Variants in PDE11A observed in about 807,000 individuals in gnomAD.
PDE11A encodes the protein phosphodiesterase 11A.
PDE11A carries 100 observed loss-of-function variants against 100.5 expected under a neutral mutation model. The ratio of observed to expected loss-of-function variants is 1.00; its 90% CI spans 0.85 to 1.18. The LOEUF (loss-of-function observed/expected upper bound fraction) is 1.18, where lower values mean the gene tolerates loss of function less well. Ranked by LOEUF, PDE11A falls within the 50% of genes most tolerant of loss-of-function variation. The pLI is 0.00. For synonymous variants in PDE11A, 381 were observed against 420.8 expected (o/e 0.91, Z 1.16); for missense variants, 1,141 against 1,152.6 (o/e 0.99, Z 0.15).
chr2:178,012,880 T>G (rs1574340974), intron 2 of PDE11A, among the ~76,000 whole-genome samples: 2 of 152,292 alleles, frequency 1.3e-5, no homozygotes, highest in South Asian at 4.1e-4. Flanking sequence ...CCCACATCCT[T>G]CTACCTAAAT....
intron 9 of PDE11A, among the ~76,000 whole-genome samples, chr2:177,773,022 T>G (rs2082331334): frequency 6.6e-6 from 1 of 152,150 alleles, no homozygotes; most frequent in South Asian, 2.1e-4. Context: ...GTTTCACATA[T>G]TATTTCTTTC....
chr2:178,102,612 A>T lies in PDE11A; in HGVS notation c.162+1690T>A, dbSNP rs1304321402. 2.0e-5 allele frequency among the ~76,000 whole-genome samples: 3 copies of T among 151,652 alleles called. No homozygotes were observed. The East Asian group carries it at 5.9e-4, about 30-fold the overall frequency. On this transcript the variant is annotated intron_variant, in intron 2 of 20. Transcript: ENST00000358450. ...TTTTTTGTAGAGACAGGGTCTTACTACATTGCCCAGGCTGGTCTTACAGAT... is the reference window on the plus strand; with the variant it reads ...TTTTTTGTAGAGACAGGGTCTTACTTCATTGCCCAGGCTGGTCTTACAGAT...
chr2:177,847,000 A>C (rs1036687315), intron 5 of PDE11A, among the ~76,000 whole-genome samples: 1 of 152,192 alleles, frequency 6.6e-6, no homozygotes, highest in Non-Finnish European at 1.5e-5. Flanking sequence ...GACAGCCCTC[A>C]AAATATTTAG....
At chr2:177,835,870 G>A (rs1161567995) in intron 6 of PDE11A, among the ~76,000 whole-genome samples, 2 of 152,330 alleles carry the variant, frequency 1.3e-5, no homozygotes, top group South Asian at 2.1e-4. Flanking sequence ...GCCCACTGGC[G>A]CTGCGCTCAA....
intron 5 of PDE11A, among the ~76,000 whole-genome samples, chr2:177,846,161 G>C (rs1329046932): frequency 6.6e-6 from 1 of 152,002 alleles, no homozygotes; most frequent in Non-Finnish European, 1.5e-5. Flanking sequence ...ACAAACAAAA[G>C]GTAATTTTAT....
chr2:177,784,855 G>T (rs921329590), intron 9 of PDE11A, among the ~76,000 whole-genome samples: 2 of 152,212 alleles, frequency 1.3e-5, no homozygotes, highest in Non-Finnish European at 2.9e-5. Flanking sequence ...CAGAATTCAT[G>T]CTATGAATTG....
chr2:178,092,893 G>C (rs1399910644), intron 2 of PDE11A: 1 of 152,078 alleles, frequency 6.6e-6, no homozygotes, highest in African/African-American at 2.4e-5. Context: ...GAGCCACCAC[G>C]TACAGTCCCA....
At position 177,715,791 on chromosome 2, in the gene PDE11A, A is replaced by C. The variant is rs79710536; in HGVS notation, c.2044-3913T>G. Reference sequence around the variant, plus strand: ...TCCCCGTATTGCCTTTTTTCTCTGAACTCCTTCTTTTCTCTGTGTTTGGTG... The same window carrying C: ...TCCCCGTATTGCCTTTTTTCTCTGACCTCCTTCTTTTCTCTGTGTTTGGTG... On this transcript the variant is annotated intron_variant, in intron 12 of 19. Transcript: ENST00000286063. Among the ~76,000 whole-genome samples the C allele has an allele frequency of 3.4e-3, 499 of 148,512 alleles. 4 individuals are homozygous for C. In the East Asian group the frequency reaches 0.045, roughly 13 times the overall value.
In PDE11A at chr2:177,826,589, T is replaced by C. The variant is rs12612171; in HGVS notation, c.1501-6294A>G. On this transcript the variant is annotated intron_variant, in intron 6 of 19. Transcript: ENST00000286063. ...CTAATGGTTTGTAGAATAGTGCCTG[T>C]ATATGATTCCTTAAATTCCTGAAAA... Among the ~76,000 whole-genome samples the C allele has an allele frequency of 2.8e-3, 426 of 152,356 alleles. 18 individuals are homozygous for C. In the East Asian group the frequency reaches 0.078, roughly 28 times the overall value.
At chr2:177,657,768 A>C (rs1559129371) in intron 19 of PDE11A, among the ~76,000 whole-genome samples, 1 of 152,184 alleles carries the variant, frequency 6.6e-6, no homozygotes, top group East Asian at 1.9e-4. Context: ...CTTTTATTTC[A>C]AATTTCAGAG....
At chr2:177,663,364 C>T (rs1347465032) in intron 19 of PDE11A, among the ~76,000 whole-genome samples, 1 of 150,592 alleles carries the variant, frequency 6.6e-6, no homozygotes, top group Non-Finnish European at 1.5e-5. Flanking sequence ...CCCCCTGTAT[C>T]AGACCATGGG....
At chr2:177,771,881 A>G (rs567601880) in intron 9 of PDE11A, among the ~76,000 whole-genome samples, 5 of 152,252 alleles carry the variant, frequency 3.3e-5, no homozygotes, top group Non-Finnish European at 7.4e-5. Flanking sequence ...GGGTGCCTGT[A>G]ATCCCAGCTA....
chr2:177,979,057 C>T (rs1386905448), intron 2 of PDE11A, among the ~76,000 whole-genome samples: 1 of 122,652 alleles, frequency 8.2e-6, no homozygotes, highest in African/African-American at 3.3e-5. Context: ...TGCACATGTA[C>T]CCTAAAACTT....
chr2:177,969,148 C>T (rs188486286), intron 2 of PDE11A, among the ~76,000 whole-genome samples: 1 of 152,296 alleles, frequency 6.6e-6, no homozygotes. Context: ...AGCCATCATT[C>T]TCAGCGAACT....
Position 177,639,885 on chromosome 2 carries a change from C to T in PDE11A, c.2647-10323G>A, listed in dbSNP as rs77868557. Among the ~76,000 whole-genome samples the T allele has an allele frequency of 6.9e-3, 1,047 of 152,244 alleles. 16 individuals carry two copies. Among genetic ancestry groups the T allele is most frequent in the East Asian group, 0.045 (231 of 5,184 alleles). On this transcript the variant is annotated intron_variant, in intron 19 of 19. Coordinates refer to ENST00000286063, the MANE Select transcript of PDE11A (RefSeq NM_016953.4). ...GTTGTTGGAAAGGGGCATAGAGGAA[C>T]CCCATCAAATTAAAACCAGATTAGT...
At chr2:177,928,215 A>G (rs1191830741) in intron 2 of PDE11A, among the ~76,000 whole-genome samples, 1 of 152,074 alleles carries the variant, frequency 6.6e-6, no homozygotes, top group Non-Finnish European at 1.5e-5. Flanking sequence ...GAATGTAAAG[A>G]TTTTACTTAT....
chr2:178,018,410 T>C, intron 1 of PDE11A: 1 of 226,280 alleles, frequency 4.4e-6, no homozygotes, highest in African/African-American at 4.5e-5. Context: ...CTTTGTGATT[T>C]CAACTATCAT....
chr2:177,836,481 T>C (rs1368131254), intron 6 of PDE11A, among the ~76,000 whole-genome samples: 1 of 152,208 alleles, frequency 6.6e-6, no homozygotes, highest in Admixed American at 6.5e-5. Context: ...ATCAGCTCCC[T>C]GTAAAACAGA....
intron 2 of PDE11A, among the ~76,000 whole-genome samples, chr2:177,932,455 A>G (rs4377360): frequency 0.086 from 13,159 of 152,206 alleles, 542 homozygotes; most frequent in South Asian, 0.1. Flanking sequence ...ACATCAAGAA[A>G]TTAATTTACC....
Sources: gnomAD v4.1 joint callset for allele counts (sites outside exome capture counted in the v4.1 genomes callset) on GRCh38, gnomAD v4.1.1 for gene constraint, MANE v1.5 for transcripts, NCBI Gene and HGNC (gene_info 2026-07-23, HGNC 2026-07-21) for gene names.